CAST: variants seen among roughly 807,000 people sequenced by gnomAD.
CAST encodes calpastatin, also known as MIR583 host.
Under a neutral mutation model 119.6 loss-of-function variants are expected in CAST, and 76 were observed. That is an observed-to-expected ratio of 0.64 (90% CI 0.53 to 0.77). The LOEUF (loss-of-function observed/expected upper bound fraction) is 0.77, where lower values mean the gene tolerates loss of function less well. CAST is among the 30% of genes least tolerant of loss of function. The pLI is 0.00. For synonymous variants in CAST, 319 were observed against 331.6 expected, an observed-to-expected ratio of 0.96 and a Z score of 0.41; for missense variants, 953 against 946.5, an observed-to-expected ratio of 1.01 and a Z score of -0.09.
At chr5:96,339,554 G>C in the CAST span, among the ~76,000 whole-genome samples, 1 of 152,192 alleles carries the variant, frequency 6.6e-6, no homozygotes, top group East Asian at 1.9e-4. Context: ...AGTGCAAAGA[G>C]ATCTAAATTT....
chr5:96,359,245 G>C, the CAST span, among the ~76,000 whole-genome samples: 4 of 152,114 alleles, frequency 2.6e-5, no homozygotes, highest in Admixed American at 2.6e-4. Flanking sequence ...TGTGAGATAG[G>C]TCTCCTGAAT....
At chr5:96,688,887 A>G (rs1259338610) in intron 2 of CAST, among the ~76,000 whole-genome samples, 1 of 152,132 alleles carries the variant, frequency 6.6e-6, no homozygotes, top group Non-Finnish European at 1.5e-5. Flanking sequence ...CTTAGACCTT[A>G]AAGAGAGAAG....
the CAST span, chr5:96,421,925 T>C: frequency 6.3e-7 from 1 of 1,583,052 alleles, no homozygotes; most frequent in Admixed American, 1.7e-5. Context: ...ATCATGGTCA[T>C]TATCATTAAA....
intron 3 of CAST, among the ~76,000 whole-genome samples, chr5:96,711,717 C>G (rs564923490): frequency 6.6e-6 from 1 of 152,174 alleles, no homozygotes; most frequent in Non-Finnish European, 1.5e-5. Flanking sequence ...TAGTTTGTAT[C>G]TAAGTAGTTT....
At chr5:96,286,773 A>T in the CAST span, among the ~76,000 whole-genome samples, 7 of 152,132 alleles carry the variant, frequency 4.6e-5, no homozygotes, top group Admixed American at 4.6e-4. Context: ...TTAAAATAAC[A>T]TTTTTATTTA....
chr5:96,618,101 T>C (rs1747505904), intron 1 of CAST, among the ~76,000 whole-genome samples: 1 of 152,136 alleles, frequency 6.6e-6, no homozygotes, highest in African/African-American at 2.4e-5. Context: ...TCAGAGACTT[T>C]AGCTCCATCC....
At chr5:96,401,744 G>C in the CAST span, among the ~76,000 whole-genome samples, 1 of 152,044 alleles carries the variant, frequency 6.6e-6, no homozygotes. Flanking sequence ...GTGTTTTGTT[G>C]ATGTCTCTCT....
chr5:96,239,949 T>C, the CAST span, among the ~76,000 whole-genome samples: 8 of 152,124 alleles, frequency 5.3e-5, no homozygotes, highest in Non-Finnish European at 1.0e-4. Flanking sequence ...CCAGGCACAC[T>C]TATATCTAAT....
chr5:96,733,413 A>T (rs1047043938), intron 9 of CAST, among the ~76,000 whole-genome samples: 1 of 152,240 alleles, frequency 6.6e-6, no homozygotes, highest in African/African-American at 2.4e-5. Context: ...ATAGATTTTT[A>T]AATGTAATCA....
chr5:96,317,664 A>T, the CAST span, among the ~76,000 whole-genome samples: 4 of 152,134 alleles, frequency 2.6e-5, no homozygotes, highest in African/African-American at 9.7e-5. Flanking sequence ...AAAGCTTTTA[A>T]ACAAGCCACT....
At chr5:96,059,586 GT>G in the CAST span, among the ~76,000 whole-genome samples, 2 of 151,780 alleles carry the variant, frequency 1.3e-5, no homozygotes, top group African/African-American at 2.4e-5. Context: ...GTGGCTTCCT[GT>G]TAAGGGAGTG....
intron 20 of CAST, among the ~76,000 whole-genome samples, chr5:96,753,082 C>T (rs887425705): frequency 3.9e-5 from 6 of 151,994 alleles, no homozygotes; most frequent in African/African-American, 1.2e-4. Context: ...CAACCTCAAC[C>T]TCCTGAGGTC....
intron 3 of CAST, among the ~76,000 whole-genome samples, chr5:96,716,260 G>A (rs1050647678): frequency 2.6e-5 from 4 of 152,102 alleles, no homozygotes; most frequent in Admixed American, 6.5e-5. Context: ...AGCAGCTCAG[G>A]GTTTTGCGTA....
At chr5:96,559,554 T>G (rs925173960) in intron 1 of CAST, among the ~76,000 whole-genome samples, 9 of 152,146 alleles carry the variant, frequency 5.9e-5, no homozygotes, top group African/African-American at 1.9e-4. Flanking sequence ...AGCATTCTTA[T>G]ACACCAATAA....
At chr5:96,388,183 A>G in the CAST span, among the ~76,000 whole-genome samples, 1 of 152,264 alleles carries the variant, frequency 6.6e-6, no homozygotes, top group Admixed American at 6.5e-5. Flanking sequence ...GGCACATGCC[A>G]TGAGAATGAT....
At chr5:96,081,950 G>C in the CAST span, among the ~76,000 whole-genome samples, 3 of 152,322 alleles carry the variant, frequency 2.0e-5, no homozygotes, top group East Asian at 3.9e-4. Flanking sequence ...GTCTCGCTCT[G>C]TCGCCCAGGC....
At chr5:96,606,354 G>A (rs996334227) in intron 1 of CAST, among the ~76,000 whole-genome samples, 1 of 152,204 alleles carries the variant, frequency 6.6e-6, no homozygotes, top group Admixed American at 6.5e-5. Context: ...ATTTCTCTGA[G>A]TGTCAGATTT....
At chr5:96,399,124 G>C in the CAST span, 1 of 937,636 alleles carries the variant, frequency 1.1e-6, no homozygotes, top group Non-Finnish European at 1.7e-6. Flanking sequence ...ATCTTGACTA[G>C]ATGCTCAACT....
At position 96,621,177 on chromosome 5, in the gene CAST, A is replaced by G. The variant is rs1223107675; in HGVS notation, c.61-54362A>G. ...ACTCCTGTAAGTGTCTGCATTTTAA[A>G]TCTCTTGTCTTGTAGAAGAAAGGTT... is the stretch of plus-strand genomic sequence containing the variant. On this transcript the variant is annotated intron_variant, in intron 1 of 11. Coordinates refer to the CAST transcript ENST00000505143. Among the ~76,000 whole-genome samples the G allele has an allele frequency of 2.6e-5, 4 of 152,268 alleles. No homozygotes were observed. In the East Asian group the frequency reaches 7.7e-4, roughly 29 times the overall value.
Sources: gnomAD v4.1 joint callset for allele counts (sites outside exome capture counted in the v4.1 genomes callset) on GRCh38, gnomAD v4.1.1 for gene constraint, MANE v1.5 for transcripts, NCBI Gene and HGNC (gene_info 2026-07-23, HGNC 2026-07-21) for gene names.